The following UACA variants were observed in gnomAD, a reference collection of about 807,000 sequenced individuals.
The protein encoded by UACA is nuclear membrane binding protein.
Under a neutral mutation model 160.5 loss-of-function variants are expected in UACA, and 112 were observed. The observed-to-expected ratio is 0.70, with a 90% CI of 0.60 to 0.82. The LOEUF is 0.82. Among genes scored for constraint, UACA ranks in the 40% least tolerant of loss-of-function variants. The pLI, the probability that UACA is intolerant of heterozygous loss-of-function variation, is 0.00. For synonymous variants in UACA, 557 were observed against 568.4 expected, an observed-to-expected ratio of 0.98 and a Z score of 0.29; for missense variants, 1,574 against 1,614.6, an observed-to-expected ratio of 0.97 and a Z score of 0.43.
intron 1 of UACA, among the ~76,000 whole-genome samples, chr15:70,718,610 G>A (rs1185312943): frequency 6.6e-6 from 1 of 152,094 alleles, no homozygotes; most frequent in African/African-American, 2.4e-5. Flanking sequence ...AGAGCCACAG[G>A]TCAGGGCAGA....
chr15:70,662,935 T>C (rs1283251153), intron 17 of UACA, among the ~76,000 whole-genome samples: 7 of 151,486 alleles, frequency 4.6e-5, no homozygotes, highest in Non-Finnish European at 1.0e-4. Context: ...GCAATACCAT[T>C]CAGGACATAG....
chr15:70,711,497 T>A (rs1595904319), intron 1 of UACA, among the ~76,000 whole-genome samples: 2 of 141,754 alleles, frequency 1.4e-5, no homozygotes, highest in African/African-American at 5.4e-5. Context: ...CCATCTCTAC[T>A]AAAAAAAAAA....
Position 70,667,758 on chromosome 15 carries a change from T to C in UACA, c.2926A>G (p.Thr976Ala). The change falls in exon 16 of 19, where the codon ACA becomes GCA. Residue 976 changes from threonine to alanine, a missense_variant. Coordinates refer to ENST00000322954, the MANE Select transcript of UACA (RefSeq NM_018003.4). ...TTTACCTTAATGCATTCTTGTATTG[T>C]GTCGAGCTCCTTCTTCTGGGCTTTA... ...EIKAQKKELD[T>A]IQECIKVKYA... 6.2e-7 allele frequency: 1 copy of C among 1,614,098 alleles called. No homozygotes were observed. The highest frequency in any genetic ancestry group is 1.6e-4 in the Middle Eastern group (1 of 6,062).
chr15:70,670,944 T>A (rs1391864152), intron 15 of UACA, 95 bp downstream of exon 15: 3 of 650,410 alleles, frequency 4.6e-6, no homozygotes, highest in Non-Finnish European at 7.5e-6. Context: ...TATGTATATA[T>A]ACTTAATGTA....
the UACA span, among the ~76,000 whole-genome samples, chr15:70,771,530 G>A: frequency 6.6e-6 from 1 of 152,144 alleles, no homozygotes; most frequent in African/African-American, 2.4e-5. Context: ...CCTCCAGCAA[G>A]TATTGGTTTT....
At chr15:70,751,371 T>C (rs900418827) in intron 1 of UACA, among the ~76,000 whole-genome samples, 1 of 152,222 alleles carries the variant, frequency 6.6e-6, no homozygotes, top group Non-Finnish European at 1.5e-5. Context: ...AGCCTATTAA[T>C]TGGAAAGGAA....
At position 70,763,463 on chromosome 15, in the gene UACA, G is replaced by T. The variant is rs1595932070; in HGVS notation, c.-56C>A. ...CTTAAAGGCTGCGGAGTGCCAGCGC[G>T]CAAGGAGTAGACGGCAGCGGCTGCA... is the stretch of plus-strand genomic sequence containing the variant. On this transcript the variant is annotated 5_prime_UTR_variant, in exon 1 of 19. Coordinates refer to ENST00000322954, the MANE Select transcript of UACA (RefSeq NM_018003.4). The T allele has an allele frequency of 2.4e-6, 3 of 1,275,082 alleles. No homozygotes were observed. The highest frequency in any genetic ancestry group is 2.9e-5 in the South Asian group (1 of 34,678). The allele number at this position is 1,275,082 out of a possible 1,614,324, so 79.0% of individuals were successfully genotyped here. A position where few individuals can be genotyped will look rare whatever the true frequency, so the allele number is the denominator to read the frequency against.
intron 1 of UACA, among the ~76,000 whole-genome samples, chr15:70,700,555 T>C (rs1898319958): frequency 6.6e-6 from 1 of 151,906 alleles, no homozygotes; most frequent in East Asian, 1.9e-4. Context: ...TCTGTGTATG[T>C]GTATTTAGAT....
At chr15:70,663,486 T>G (rs1321345449) in intron 17 of UACA, among the ~76,000 whole-genome samples, 1 of 152,174 alleles carries the variant, frequency 6.6e-6, no homozygotes, top group Non-Finnish European at 1.5e-5. Context: ...AAATACCATT[T>G]GACCCAGCCA....
chr15:70,701,974 T>G, intron 1 of UACA: 6 of 1,603,744 alleles, frequency 3.7e-6, no homozygotes, highest in Middle Eastern at 1.7e-4. Flanking sequence ...GTTACAAATC[T>G]CTGTAAGCTC....
In UACA at chr15:70,668,510, T is replaced by A. The variant is rs996377083; in HGVS notation, c.2174A>T (p.Asp725Val). The change falls in exon 16 of 19, where the codon GAT (aspartate) becomes GTT (valine). Residue 725 changes from aspartate (D) to valine (V), a missense_variant. Coordinates refer to ENST00000322954, the MANE Select transcript of UACA (RefSeq NM_018003.4). ...LQKEIEKVYL[D>V]NKLLKEQAHN... ...TGCTTGCTCCTTGAGGAGCTTATTATCCAAATAAACTTTTTCAATTTCCTT... is the reference window on the plus strand; with the variant it reads ...TGCTTGCTCCTTGAGGAGCTTATTAACCAAATAAACTTTTTCAATTTCCTT... The A allele has an allele frequency of 1.2e-6, 2 of 1,610,604 alleles. No individual in the cohort carries two copies. Among genetic ancestry groups the A allele is most frequent in the African/African-American group, 2.7e-5 (2 of 74,724 alleles).
chr15:70,727,786 G>A (rs1409465102), intron 1 of UACA, among the ~76,000 whole-genome samples: 1 of 152,060 alleles, frequency 6.6e-6, no homozygotes, highest in East Asian at 1.9e-4. Flanking sequence ...AGTAATCAGT[G>A]GTTTTCAAAC....
At chr15:70,763,667 T>A, upstream of UACA, 1 of 481,662 alleles carries the variant, frequency 2.1e-6, no homozygotes, top group Non-Finnish European at 3.2e-6. Flanking sequence ...ACTTCCCTTT[T>A]AAACTGAGTA....
rs564584440 is a variant in UACA at position 70,741,590 on chromosome 15, C to A, written c.78+21740G>T. Among the ~76,000 whole-genome samples the A allele has an allele frequency of 2.6e-4, 40 of 152,284 alleles. 1 individual carries two copies. The South Asian group carries it at 7.9e-3, about 30-fold the overall frequency. ...GTTTAAAAGTAGTTTCTAATTTAAG[C>A]ATGTGTATTCACAATTTCAATGAAA... On this transcript the variant is annotated intron_variant, in intron 1 of 18. Transcript: ENST00000322954.
intron 4 of UACA, 29 bp from the exon 5 acceptor site, chr15:70,690,540 T>C (rs780814305): frequency 1.3e-6 from 2 of 1,572,484 alleles, no homozygotes; most frequent in Non-Finnish European, 1.7e-6. Context: ...CTTAGTAAAG[T>C]AGGAGAGTTT....
At chr15:70,759,604 G>A (rs938531531) in intron 1 of UACA, among the ~76,000 whole-genome samples, 2 of 152,166 alleles carry the variant, frequency 1.3e-5, no homozygotes, top group East Asian at 1.9e-4. Context: ...GCAGTGAGCC[G>A]AGATCACGTC....
At chr15:70,703,323 G>A in intron 1 of UACA, 3 of 1,258,950 alleles carry the variant, frequency 2.4e-6, no homozygotes, top group Non-Finnish European at 3.1e-6. Context: ...GAAGGAAGTA[G>A]CTGCTATATT....
chr15:70,753,446 A>G (rs1375895446), intron 1 of UACA, among the ~76,000 whole-genome samples: 2 of 152,206 alleles, frequency 1.3e-5, no homozygotes, highest in Non-Finnish European at 2.9e-5. Context: ...TTTTTTGTAT[A>G]TATGGCTTAA....
At chr15:70,702,145 T>TC in intron 1 of UACA, 2 of 1,291,726 alleles carry the variant, frequency 1.5e-6, no homozygotes, top group Non-Finnish European at 2.0e-6. Context: ...AGAACTTGAT[T>TC]AAGAGCAGCC....
Sources: gnomAD v4.1 joint callset for allele counts (sites outside exome capture counted in the v4.1 genomes callset) on GRCh38, gnomAD v4.1.1 for gene constraint, MANE v1.5 for transcripts, NCBI Gene and HGNC (gene_info 2026-07-23, HGNC 2026-07-21) for gene names.